Variants in NMT2 observed in about 807,000 individuals in gnomAD.
The protein encoded by NMT2 is glycylpeptide N-tetradecanoyltransferase 2.
Under a neutral mutation model 65.4 loss-of-function variants are expected in NMT2, and 35 were observed. The ratio of observed to expected loss-of-function variants is 0.54; its 90% confidence interval spans 0.41 to 0.71. The LOEUF is 0.71. NMT2 is among the 30% of genes least tolerant of loss of function. NMT2 has a pLI of 0.00. For missense variants in NMT2, 489 were observed against 611.3 expected, an observed-to-expected ratio of 0.80 and a Z score of 2.11; for synonymous variants, 226 against 231.8, an observed-to-expected ratio of 0.98 and a Z score of 0.23.
At chr10:15,131,854 T>TA (rs751409854) in intron 6 of NMT2, among the ~76,000 whole-genome samples, 2 of 152,146 alleles carry the variant, frequency 1.3e-5, no homozygotes, top group Non-Finnish European at 2.9e-5. Flanking sequence ...TTATCTCTCC[T>TA]AAAAAATTTT....
chr10:15,165,904 A>C (rs1833363136), intron 1 of NMT2, among the ~76,000 whole-genome samples: 1 of 150,976 alleles, frequency 6.6e-6, no homozygotes, highest in South Asian at 2.1e-4. Flanking sequence ...TACATTTTCC[A>C]TGAAAAACAA....
At chr10:15,122,667 C>A (rs1416509145) in intron 8 of NMT2, among the ~76,000 whole-genome samples, 1 of 152,150 alleles carries the variant, frequency 6.6e-6, no homozygotes, top group Non-Finnish European at 1.5e-5. Context: ...GATCTGCCCA[C>A]CTCGGTCTCC....
At chr10:15,155,535 GTTTTTT>G (rs71390015) in intron 1 of NMT2, among the ~76,000 whole-genome samples, 1 of 59,336 alleles carries the variant, frequency 1.7e-5, no homozygotes, top group South Asian at 1.2e-3. Context: ...TGCCGGGCTA[GTTTTTT>G]TTTTTTTTTT....
Position 15,130,283 on chromosome 10 carries a change from A to G in NMT2, c.749T>C (p.Leu250Pro). Residue 250 changes from leucine (L) to proline (P), a missense_variant, in exon 7 of 12, where the codon CTT becomes CCT. Leu to Pro is a moderately conservative substitution (Grantham distance 98). Transcript: ENST00000378165. ...CGATCTCAACTTCTTATGAACACAA[A>G]GAAAGTTGATTTCTACCATCTTCTT... ...SVKKMVEINFLCVHKKLRSKR... is the reference protein window; with the variant it reads ...SVKKMVEINFPCVHKKLRSKR... 1.9e-6 allele frequency: 3 copies of G among 1,597,826 alleles called. No homozygotes were observed. The highest frequency in any genetic ancestry group is 2.6e-6 in the Non-Finnish European group (3 of 1,171,278).
intron 8 of NMT2, among the ~76,000 whole-genome samples, chr10:15,125,770 G>A (rs1025373924): frequency 2.0e-5 from 3 of 152,034 alleles, no homozygotes; most frequent in African/African-American, 4.8e-5. Flanking sequence ...AGGTTCAAGC[G>A]ATTCTCCTGC....
chr10:15,137,194 C>T (rs1260419049), intron 2 of NMT2, among the ~76,000 whole-genome samples: 1 of 152,068 alleles, frequency 6.6e-6, no homozygotes, highest in Admixed American at 6.6e-5. Flanking sequence ...ACTCATCGTA[C>T]ACAGCACAGA....
chr10:15,142,569 C>A (rs1846814199), intron 1 of NMT2, among the ~76,000 whole-genome samples: 1 of 152,138 alleles, frequency 6.6e-6, no homozygotes, highest in East Asian at 1.9e-4. Context: ...GAAAAAAGAA[C>A]TGAGCACTTG....
intron 1 of NMT2, among the ~76,000 whole-genome samples, chr10:15,158,783 C>T (rs61844195): frequency 0.08 from 12,244 of 152,260 alleles, 602 homozygotes; most frequent in East Asian, 0.14. Context: ...TGGAAGTCCA[C>T]CAAGATCAGG....
rs1414926037 is a variant in NMT2, at chr10:15,106,760, C to T, written c.*2435G>A. ...CAGGCCACACAATCTGTCACAACAA[C>T]TCAACTCAGCTTTGTAGTGTGAAGC... On this transcript the variant is annotated 3_prime_UTR_variant, in exon 12 of 12. Transcript: ENST00000378165. The T allele has an allele frequency of 2.1e-5, 12 of 561,266 alleles. No individual in the cohort carries two copies. The highest frequency in any genetic ancestry group is 7.7e-5 in the South Asian group (1 of 12,908). 34.8% of individuals were successfully genotyped at this position (561,266 alleles called of 1,614,324 possible). A position where few individuals can be genotyped will look rare whatever the true frequency, so the allele number is the denominator to read the frequency against.
chr10:15,123,285 A>G (rs1845980148), intron 8 of NMT2, among the ~76,000 whole-genome samples: 2 of 152,132 alleles, frequency 1.3e-5, no homozygotes, highest in Non-Finnish European at 2.9e-5. Context: ...GGTGGCTCAC[A>G]CCTGTAATCT....
chr10:15,156,143 C>G (rs1377188176), intron 1 of NMT2, among the ~76,000 whole-genome samples: 2 of 152,144 alleles, frequency 1.3e-5, no homozygotes, highest in Admixed American at 1.3e-4. Context: ...CCATCCAAAT[C>G]TCATATTGAA....
At chr10:15,162,760 A>ATT (rs36094940) in intron 1 of NMT2, among the ~76,000 whole-genome samples, 1 of 148,064 alleles carries the variant, frequency 6.8e-6, no homozygotes, top group Admixed American at 6.8e-5. Flanking sequence ...ATATATATAT[A>ATT]TTTTATTTAT....
chr10:15,137,894 T>C (rs1279879605), intron 2 of NMT2, among the ~76,000 whole-genome samples: 4 of 152,130 alleles, frequency 2.6e-5, no homozygotes, highest in Non-Finnish European at 5.9e-5. Flanking sequence ...ATTTATTCCC[T>C]ACCTAATTAG....
chr10:15,116,396 A>G (rs554681390), intron 9 of NMT2, among the ~76,000 whole-genome samples: 16 of 152,328 alleles, frequency 1.1e-4, no homozygotes, highest in African/African-American at 3.4e-4. Context: ...CGAAGATACA[A>G]CATACCAAAA....
rs1322343827 is a variant in NMT2 at position 15,112,199 on chromosome 10, TATATATATATATATATA to T, written c.1338+580_1338+596del. 9.6e-3 allele frequency among the ~76,000 whole-genome samples: 153 copies of T among 15,940 alleles called. 1 individual carries two copies. Among genetic ancestry groups the T allele is most frequent in the African/African-American group, 0.031 (83 of 2,664 alleles). 10.5% of individuals were successfully genotyped at this position (15,940 alleles called of 152,430 possible). ...TTATATATATATATATATATATATA[TATATATATATATATATA>T]TTTTTTTTTTTTTTTTTTTTTTTTT... On this transcript the variant is annotated intron_variant, in intron 10 of 11. Coordinates refer to ENST00000378165, the MANE Select transcript of NMT2 (RefSeq NM_004808.3).
intron 1 of NMT2, among the ~76,000 whole-genome samples, chr10:15,167,447 T>G (rs1833413798): frequency 6.6e-6 from 1 of 152,166 alleles, no homozygotes; most frequent in East Asian, 1.9e-4. Context: ...GAGTAAACCA[T>G]CTGTGACTCA....
At chr10:15,155,351 G>A (rs1832959191) in intron 1 of NMT2, 1 of 911,486 alleles carries the variant, frequency 1.1e-6, no homozygotes, top group East Asian at 2.5e-5. Flanking sequence ...TGGTGGCGGT[G>A]GCGTCTGCAA....
chr10:15,125,890 C>T (rs1846057660), intron 8 of NMT2, among the ~76,000 whole-genome samples: 1 of 152,054 alleles, frequency 6.6e-6, no homozygotes, highest in Non-Finnish European at 1.5e-5. Flanking sequence ...TGGCCTCGAT[C>T]TCTTGACCTT....
chr10:15,132,892 C>T lies in NMT2; in HGVS notation c.644G>A (p.Gly215Glu), dbSNP rs1216569425. 7 of 1,613,860 alleles carry T rather than the reference C, an allele frequency of 4.3e-6. No homozygotes were observed. Among genetic ancestry groups the T allele is most frequent in the Non-Finnish European group, 5.9e-6 (7 of 1,179,868 alleles). Residue 215 changes from glycine to glutamate, a missense_variant, in exon 6 of 12, where the codon GGG (glycine) becomes GAG (glutamate). By Grantham distance (98) the Gly-to-Glu change is moderately conservative. Transcript: ENST00000378165. ...PPGWLLQWHC[G>E]VRVSSNKKLV... ...TTTTTTATTTGAAGACACTCTGACC[C>T]CACAGTGCCACTGCAGGAGCCAGCC... is the stretch of plus-strand genomic sequence containing the variant.
Sources: allele counts gnomAD v4.1 joint callset (sites outside exome capture counted in the v4.1 genomes callset), GRCh38; gene constraint gnomAD v4.1.1; transcripts MANE v1.5; gene names NCBI Gene and HGNC (gene_info 2026-07-23, HGNC 2026-07-21).